Variants in ZNF575 observed in about 807,000 individuals in gnomAD.
ZNF575 encodes the protein zinc finger protein 575.
Under a neutral mutation model 17.5 loss-of-function variants are expected in ZNF575, and 17 were observed. That is an observed-to-expected ratio of 0.97 (90% confidence interval 0.66 to 1.45). The LOEUF (loss-of-function observed/expected upper bound fraction) is 1.45, where lower values mean the gene tolerates loss of function less well. ZNF575 is among the 40% of genes most tolerant of loss of function. The probability of loss-of-function intolerance (pLI) is 0.00; values close to 1 mark genes in which losing one functional copy is unlikely to be tolerated. For synonymous variants in ZNF575, 146 were observed against 158.3 expected (o/e 0.92, Z 0.58); for missense variants, 352 against 359.2 (o/e 0.98, Z 0.16).
At position 43,533,523 on chromosome 19, in the gene ZNF575, T is replaced by C. The variant is rs1047532651; in HGVS notation, c.-195+2T>C. 6.6e-6 allele frequency: 1 copy of C among 151,458 alleles called. No individual in the cohort carries two copies. Among genetic ancestry groups the C allele is most frequent in the African/African-American group, 2.4e-5 (1 of 41,098 alleles). 9.4% of individuals were successfully genotyped at this position (151,458 alleles called of 1,614,324 possible). On this transcript the variant is annotated splice_donor_variant, in intron 1 of 3. Transcript: ENST00000314228. LOFTEE classifies it low-confidence loss of function (5UTR_SPLICE). The stretch of plus-strand genomic sequence containing the variant: ...CCCCGGGGAGGGGCCGTCCTGCAGG[T>C]GAGGGCGCAGGGGTTCGGGCGCGGA...
rs1211005371 is a variant in ZNF575, at chr19:43,533,367, C to T, written c.-349C>T. ...GAGGTTGGGCTAAGCAGCTTGCGCG[C>T]GCTCCCTTGCCTGCCCTCCCCCGAC... On this transcript the variant is annotated 5_prime_UTR_variant, in exon 1 of 4. Transcript: ENST00000314228. The T allele has an allele frequency of 2.6e-5, 4 of 152,238 alleles. No homozygotes were observed. Among genetic ancestry groups the T allele is most frequent in the Non-Finnish European group, 4.4e-5 (3 of 68,088 alleles). 9.4% of individuals were successfully genotyped at this position (152,238 alleles called of 1,614,324 possible).
intron 1 of ZNF575, 89 bp from the exon 2 acceptor site, chr19:43,533,706 A>C (rs1411194153): frequency 1.3e-5 from 2 of 152,166 alleles, no homozygotes; most frequent in Non-Finnish European, 2.9e-5. Flanking sequence ...GGTGCATTGA[A>C]TCCTTTACGC....
upstream of ZNF575, chr19:43,531,753 A>G: frequency 1.6e-6 from 1 of 609,916 alleles, no homozygotes; most frequent in South Asian, 1.9e-5. Context: ...GGGGTAAATC[A>G]AACAATACTG....
upstream of ZNF575, among the ~76,000 whole-genome samples, chr19:43,532,654 C>T (rs2146029262): frequency 6.6e-6 from 1 of 152,260 alleles, no homozygotes; most frequent in Admixed American, 6.5e-5. Context: ...GGACTGAGAC[C>T]CACCCATGCA....
rs1476275879 is a variant in ZNF575 at position 43,534,431 on chromosome 19, G to A, written c.9G>A (p.Glu3=). ML[E]RGAESAAGAT... ...GTTCCTGTGCCAGCAAGATGCTGGA[G>A]CGAGGCGCGGAGTCCGCGGCCGGGG... Residue 3 remains glutamate, a synonymous_variant, in exon 3 of 4, where the codon GAG becomes GAA. Transcript: ENST00000314228. 7.1e-6 allele frequency: 11 copies of A among 1,558,124 alleles called. No individual in the cohort carries two copies. Among genetic ancestry groups the A allele is most frequent in the Non-Finnish European group, 8.7e-6 (10 of 1,153,590 alleles).
upstream of ZNF575, among the ~76,000 whole-genome samples, chr19:43,532,082 G>T (rs1182530304): frequency 6.6e-6 from 1 of 151,680 alleles, no homozygotes; most frequent in Non-Finnish European, 1.5e-5. Flanking sequence ...AGGCTGGAGT[G>T]CAGTGGCTTG....
At position 43,535,933 on chromosome 19, in the gene ZNF575, A is replaced by C; in HGVS notation, c.*246A>C. The C allele has an allele frequency of 1.8e-6, 1 of 543,920 alleles. No homozygotes were observed. Among genetic ancestry groups the C allele is most frequent in the South Asian group, 2.5e-5 (1 of 39,762 alleles). The allele number at this position is 543,920 out of a possible 1,614,324, so 33.7% of individuals were successfully genotyped here. On this transcript the variant is annotated 3_prime_UTR_variant, in exon 4 of 4. Coordinates refer to ENST00000314228, the MANE Select transcript of ZNF575 (RefSeq NM_174945.3). ...CAGCGCTGGCTCTGCTTCTCCCCAC[A>C]CACTTACATGGCAAAGGTAAAAAGT...
In ZNF575 at chr19:43,535,860, C is replaced by G. The variant is rs567068028; in HGVS notation, c.*173C>G. 5 of 729,164 alleles carry G rather than the reference C, an allele frequency of 6.9e-6. No individual in the cohort carries two copies. The highest frequency in any genetic ancestry group is 1.1e-5 in the Non-Finnish European group (5 of 455,742). The allele number at this position is 729,164 out of a possible 1,614,324, so 45.2% of individuals were successfully genotyped here. A position where few individuals can be genotyped will look rare whatever the true frequency, so the allele number is the denominator to read the frequency against. On this transcript the variant is annotated 3_prime_UTR_variant, in exon 4 of 4. Coordinates refer to ENST00000314228, the MANE Select transcript of ZNF575 (RefSeq NM_174945.3). ...CAGAAGCCCGAGGAACTCTTTGCTC[C>G]CCTGCTTTGGGGAGATCTCAAACCA... is the stretch of plus-strand genomic sequence containing the variant.
At chr19:43,534,100 C>T (rs978457627) in intron 2 of ZNF575, 198 bp downstream of exon 2, 36 of 427,748 alleles carry the variant, frequency 8.4e-5, no homozygotes, top group Non-Finnish European at 1.4e-4. Context: ...CCACTCTGCG[C>T]ATAGGCCCCG....
intron 3 of ZNF575, among the ~76,000 whole-genome samples, chr19:43,534,800 A>G (rs1972391108): frequency 6.6e-6 from 1 of 152,056 alleles, no homozygotes; most frequent in Non-Finnish European, 1.5e-5. Flanking sequence ...GCTTTGAGGA[A>G]GCCTTAGTAG....
chr19:43,531,801 A>T (rs1189648346), upstream of ZNF575: 5 of 670,280 alleles, frequency 7.5e-6, no homozygotes, highest in Admixed American at 2.3e-5. Flanking sequence ...CTTTTTTTTT[A>T]AAGATACGGG....
intron 3 of ZNF575, among the ~76,000 whole-genome samples, chr19:43,534,823 A>G (rs1361572040): frequency 6.6e-6 from 1 of 152,144 alleles, no homozygotes; most frequent in Admixed American, 6.5e-5. Flanking sequence ...TTGGGGATCC[A>G]GGAAAGTAAC....
Position 43,535,184 on chromosome 19 carries a change from GC to G in ZNF575, c.237del (p.Thr80ArgfsTer4). The G allele has an allele frequency of 1.2e-6, 2 of 1,608,852 alleles. No individual in the cohort carries two copies. The highest frequency in any genetic ancestry group is 1.7e-6 in the Non-Finnish European group (2 of 1,178,114). On this transcript the variant is annotated frameshift_variant, in exon 4 of 4. Transcript: ENST00000314228. LOFTEE classifies it high-confidence loss of function. ...GGCCTTCTCGTACCCGTCCAAGCTG[GC>G]CACGCACCGCTTAGCACACGGAGGC... ...DKAFSYPSKL[A>X]THRLAHGGAR...
In ZNF575 at chr19:43,536,087, A is replaced by G. The variant is rs1972417227; in HGVS notation, c.*400A>G. 1 of 210,006 alleles carries G rather than the reference A, an allele frequency of 4.8e-6. No homozygotes were observed. The highest frequency in any genetic ancestry group is 5.2e-5 in the Admixed American group (1 of 19,204). 13.0% of individuals were successfully genotyped at this position (210,006 alleles called of 1,614,324 possible). A position where few individuals can be genotyped will look rare whatever the true frequency, so the allele number is the denominator to read the frequency against. On this transcript the variant is annotated 3_prime_UTR_variant, in exon 4 of 4. Transcript: ENST00000314228. ...TGAAAATACATACATGCTTGTCTCAACTCTTCCACTTGTAGGAATTTATTC... is the reference window on the plus strand; with the variant it reads ...TGAAAATACATACATGCTTGTCTCAGCTCTTCCACTTGTAGGAATTTATTC...
Position 43,535,375 on chromosome 19 carries a change from A to G in ZNF575, c.426A>G (p.Ala142=). The G allele has an allele frequency of 6.6e-7, 1 of 1,520,338 alleles. No homozygotes were observed. Among genetic ancestry groups the G allele is most frequent in the Non-Finnish European group, 8.9e-7 (1 of 1,123,016 alleles). The allele number at this position is 1,520,338 out of a possible 1,614,324, so 94.2% of individuals were successfully genotyped here. ...TGGCGGCTCACCTCTGGACCCACGC[A>G]CCCACCCGCCCCTACCCGTGCCCCG... ...SKLAAHLWTH[A]PTRPYPCPDC... Residue 142 remains alanine (A), a synonymous_variant, in exon 4 of 4, where the codon GCA becomes GCG. Coordinates refer to ENST00000314228, the MANE Select transcript of ZNF575 (RefSeq NM_174945.3).
chr19:43,535,581 C>T lies in ZNF575; in HGVS notation c.632C>T (p.Ala211Val). 6.2e-7 allele frequency: 1 copy of T among 1,613,888 alleles called. No individual in the cohort carries two copies. Among genetic ancestry groups the T allele is most frequent in the Non-Finnish European group, 8.5e-7 (1 of 1,179,980 alleles). Reference protein sequence around the residue: ...PPTAPGSQATAWHRCSSCGQA... With the variant: ...PPTAPGSQATVWHRCSSCGQA... ...ACCGCGCCCGGCAGCCAGGCGACTG[C>T]CTGGCACCGATGCTCCAGCTGCGGC... The change falls in exon 4 of 4, where the codon GCC becomes GTC. Residue 211 changes from alanine to valine, a missense_variant. Transcript: ENST00000314228.
chr19:43,535,360 C>A lies in ZNF575; in HGVS notation c.411C>A (p.His137Gln). The change falls in exon 4 of 4, where the codon CAC (histidine) becomes CAA (glutamine). Residue 137 changes from histidine (H) to glutamine (Q), a missense_variant. Physicochemically the swap from His to Gln is conservative, Grantham distance 24 (BLOSUM62 0). Transcript: ENST00000314228. ...GCCACCGCTCCAAGCTGGCGGCTCACCTCTGGACCCACGCACCCACCCGCC... is the reference window on the plus strand; with the variant it reads ...GCCACCGCTCCAAGCTGGCGGCTCAACTCTGGACCCACGCACCCACCCGCC... Reference protein sequence around the residue: ...SFGHRSKLAAHLWTHAPTRPY... With the variant: ...SFGHRSKLAAQLWTHAPTRPY... 6.3e-7 allele frequency: 1 copy of A among 1,589,650 alleles called. No individual in the cohort carries two copies.
Position 43,535,260 on chromosome 19 carries a change from C to T in ZNF575, c.311C>T (p.Ser104Phe), listed in dbSNP as rs746227238. Residue 104 changes from serine to phenylalanine, a missense_variant, in exon 4 of 4, where the codon TCC becomes TTC. Ser to Phe is a radical substitution (Grantham distance 155). Coordinates refer to ENST00000314228, the MANE Select transcript of ZNF575 (RefSeq NM_174945.3). ...TGCCCCAAGGCCTTCTCCTACCCCTCCAAGCTGGCAGCCCACCGCCTCACG... is the reference window on the plus strand; with the variant it reads ...TGCCCCAAGGCCTTCTCCTACCCCTTCAAGCTGGCAGCCCACCGCCTCACG... The part of the protein sequence containing the change: ...PDCPKAFSYP[S>F]KLAAHRLTHS... The T allele has an allele frequency of 8.1e-6, 13 of 1,612,306 alleles. No homozygotes were observed. In the South Asian group the frequency reaches 1.4e-4, roughly 18 times the overall value.
In ZNF575 at chr19:43,534,416, C is replaced by T. The variant is rs1167849459; in HGVS notation, c.-7C>T. 6.4e-7 allele frequency: 1 copy of T among 1,559,466 alleles called. No homozygotes were observed. The highest frequency in any genetic ancestry group is 8.7e-7 in the Non-Finnish European group (1 of 1,153,732). ...GCGCCCTGCCCCTAGGTTCCTGTGCCAGCAAGATGCTGGAGCGAGGCGCGG... is the reference window on the plus strand; with the variant it reads ...GCGCCCTGCCCCTAGGTTCCTGTGCTAGCAAGATGCTGGAGCGAGGCGCGG... On this transcript the variant is annotated 5_prime_UTR_variant, in exon 3 of 4. Transcript: ENST00000314228.
Sources: gnomAD v4.1 joint callset for allele counts (sites outside exome capture counted in the v4.1 genomes callset) on GRCh38, gnomAD v4.1.1 for gene constraint, MANE v1.5 for transcripts, NCBI Gene and HGNC (gene_info 2026-07-23, HGNC 2026-07-21) for gene names.